GAB2: variants seen among roughly 807,000 people sequenced by gnomAD.
The protein encoded by GAB2 is GRB2 associated binding protein 2, also known as GRB2-associated-binding protein 2.
GAB2 carries 26 observed loss-of-function variants against 65.5 expected under a neutral mutation model. That is an observed-to-expected ratio of 0.40 (90% CI 0.29 to 0.55). The LOEUF (loss-of-function observed/expected upper bound fraction) is 0.55, where lower values mean the gene tolerates loss of function less well. GAB2 is among the 20% of genes least tolerant of loss of function. The probability of loss-of-function intolerance (pLI) is 0.53; values close to 1 mark genes in which losing one functional copy is unlikely to be tolerated. For synonymous variants in GAB2, 321 were observed against 329.6 expected, an observed-to-expected ratio of 0.97 and a Z score of 0.28; for missense variants, 884 against 875.8, an observed-to-expected ratio of 1.01 and a Z score of -0.12.
intron 5 of GAB2, among the ~76,000 whole-genome samples, chr11:78,224,178 T>G (rs1330732301): frequency 6.6e-6 from 1 of 152,226 alleles, no homozygotes; most frequent in Non-Finnish European, 1.5e-5. Context: ...TGGCATCCAC[T>G]AATAATTTTT....
At position 78,306,858 on chromosome 11, in the gene GAB2, T is replaced by C. The variant is rs559514605; in HGVS notation, c.76-25957A>G. Among the ~76,000 whole-genome samples the C allele has an allele frequency of 2.6e-5, 4 of 152,326 alleles. No homozygotes were observed. The South Asian group carries it at 8.3e-4, about 32-fold the overall frequency. ...TGCCTTAGTTTCCTTGTTCGTAAAA[T>C]AGATCACATTCCATCCATCTCACAT... is the stretch of plus-strand genomic sequence containing the variant. On this transcript the variant is annotated intron_variant, in intron 1 of 9. Coordinates refer to ENST00000361507, the MANE Select transcript of GAB2 (RefSeq NM_080491.3).
chr11:78,389,524 T>C (rs1287118875), intron 1 of GAB2, among the ~76,000 whole-genome samples: 1 of 152,158 alleles, frequency 6.6e-6, no homozygotes, highest in East Asian at 1.9e-4. Flanking sequence ...GTCAGACTGG[T>C]CTCGAACTCC....
chr11:78,370,903 G>C (rs1591070702), intron 1 of GAB2, among the ~76,000 whole-genome samples: 1 of 152,120 alleles, frequency 6.6e-6, no homozygotes, highest in South Asian at 2.1e-4. Flanking sequence ...ACAGTCACTG[G>C]GGAAGAACAC....
rs199847391 is a variant in GAB2, at chr11:78,320,981, AG to A, written c.76-40081del. Among the ~76,000 whole-genome samples, 1,023 of 152,298 alleles carry A rather than the reference AG, an allele frequency of 6.7e-3. 7 individuals are homozygous for A. The highest frequency in any genetic ancestry group is 0.023 in the African/African-American group (945 of 41,566). On this transcript the variant is annotated intron_variant, in intron 1 of 9. Transcript: ENST00000361507. ...GAGATATTTAACTGATCAATTTCTT[AG>A]TCACTGCTGGAATGTGGGGGTTGAA... is the stretch of plus-strand genomic sequence containing the variant.
intron 3 of GAB2, among the ~76,000 whole-genome samples, chr11:78,227,958 T>A (rs1298900996): frequency 6.6e-6 from 1 of 152,202 alleles, no homozygotes; most frequent in Non-Finnish European, 1.5e-5. Flanking sequence ...GTTTCCTGTT[T>A]GGGAACTATA....
At chr11:78,346,230 T>A (rs918007764) in intron 1 of GAB2, among the ~76,000 whole-genome samples, 9 of 152,176 alleles carry the variant, frequency 5.9e-5, no homozygotes, top group African/African-American at 2.2e-4. Flanking sequence ...GTGAAAGGAA[T>A]AAATCTGTTA....
chr11:78,225,899 T>C (rs1238506152), intron 4 of GAB2, among the ~76,000 whole-genome samples: 1 of 152,242 alleles, frequency 6.6e-6, no homozygotes, highest in African/African-American at 2.4e-5. Context: ...GAATTAATAT[T>C]GTTCTATTTT....
intron 1 of GAB2, among the ~76,000 whole-genome samples, chr11:78,283,159 C>A (rs1359026456): frequency 6.6e-6 from 1 of 152,208 alleles, no homozygotes; most frequent in African/African-American, 2.4e-5. Flanking sequence ...ACCTCCAATG[C>A]CTCCACTCTT....
At chr11:78,348,210 C>T (rs563188577) in intron 1 of GAB2, among the ~76,000 whole-genome samples, 5 of 152,250 alleles carry the variant, frequency 3.3e-5, no homozygotes, top group African/African-American at 1.2e-4. Context: ...GAGGCAAGCA[C>T]ACTCAGTGTC....
chr11:78,350,263 T>C (rs1012991245), intron 1 of GAB2, among the ~76,000 whole-genome samples: 6 of 152,038 alleles, frequency 3.9e-5, no homozygotes, highest in Admixed American at 6.6e-5. Flanking sequence ...CTCTAGCGGG[T>C]AGCTCAGGAG....
At chr11:78,287,492 G>C (rs903872599) in intron 1 of GAB2, among the ~76,000 whole-genome samples, 6 of 152,040 alleles carry the variant, frequency 3.9e-5, no homozygotes, top group Non-Finnish European at 8.8e-5. Flanking sequence ...TTCCCAGGCT[G>C]TTCTTAAACT....
chr11:78,289,346 T>C (rs1866584180), intron 1 of GAB2, among the ~76,000 whole-genome samples: 1 of 152,198 alleles, frequency 6.6e-6, no homozygotes, highest in Non-Finnish European at 1.5e-5. Context: ...TCACATCTTA[T>C]ACAAAAACTA....
chr11:78,305,145 GGAAA>G (rs1855329664), intron 1 of GAB2, among the ~76,000 whole-genome samples: 1 of 152,120 alleles, frequency 6.6e-6, no homozygotes, highest in Non-Finnish European at 1.5e-5. Flanking sequence ...TTATGAGTAG[GGAAA>G]GAAAGGGATT....
chr11:78,321,227 C>T (rs192009246), intron 1 of GAB2, among the ~76,000 whole-genome samples: 19 of 152,292 alleles, frequency 1.2e-4, no homozygotes, highest in Non-Finnish European at 1.8e-4. Context: ...TAGCACAGTA[C>T]TAAGAGCTGT....
At position 78,219,141 on chromosome 11, in the gene GAB2, A is replaced by G; in HGVS notation, c.*131T>C. On this transcript the variant is annotated 3_prime_UTR_variant, in exon 10 of 10. Coordinates refer to ENST00000361507, the MANE Select transcript of GAB2 (RefSeq NM_080491.3). ...GAAGGGTTCAGGGTCCCTGATGTCAAGTGCTTTGAAGGCTGAGACTGGCAG... is the reference window on the plus strand; with the variant it reads ...GAAGGGTTCAGGGTCCCTGATGTCAGGTGCTTTGAAGGCTGAGACTGGCAG... 1 of 848,920 alleles carries G rather than the reference A, an allele frequency of 1.2e-6. No individual in the cohort carries two copies. Among genetic ancestry groups the G allele is most frequent in the Non-Finnish European group, 1.8e-6 (1 of 546,260 alleles). The allele number at this position is 848,920 out of a possible 1,614,324, so 52.6% of individuals were successfully genotyped here. A position where few individuals can be genotyped will look rare whatever the true frequency, so the allele number is the denominator to read the frequency against.
rs974507059 is a variant in GAB2 at position 78,236,684 on chromosome 11, T to C, written c.621-9633A>G. 6.0e-4 allele frequency among the ~76,000 whole-genome samples: 91 copies of C among 152,350 alleles called. 1 individual carries two copies. Among genetic ancestry groups the C allele is most frequent in the African/African-American group, 2.0e-3 (82 of 41,572 alleles). ...AAATACTTTTTTTTCAATGAAGTACTGAGTTGTCAAATGCTTCCTCTGCAT... is the reference window on the plus strand; with the variant it reads ...AAATACTTTTTTTTCAATGAAGTACCGAGTTGTCAAATGCTTCCTCTGCAT... On this transcript the variant is annotated intron_variant, in intron 3 of 9. Coordinates refer to ENST00000361507, the MANE Select transcript of GAB2 (RefSeq NM_080491.3).
At chr11:78,349,670 G>GT (rs1022081344) in intron 1 of GAB2, among the ~76,000 whole-genome samples, 7 of 152,114 alleles carry the variant, frequency 4.6e-5, no homozygotes, top group East Asian at 1.9e-4. Context: ...AAGTCAGGGA[G>GT]TTTTTTTTCT....
At chr11:78,276,903 C>T (rs935628249) in intron 2 of GAB2, among the ~76,000 whole-genome samples, 12 of 152,144 alleles carry the variant, frequency 7.9e-5, no homozygotes, top group Admixed American at 2.0e-4. Flanking sequence ...CTACAAGCTC[C>T]GCCTCCCAGG....
chr11:78,378,631 A>G (rs566403441), intron 1 of GAB2, among the ~76,000 whole-genome samples: 1 of 152,152 alleles, frequency 6.6e-6, no homozygotes, highest in Non-Finnish European at 1.5e-5. Context: ...ATCAGAGTAC[A>G]GGATTCATAG....
Sources: allele counts gnomAD v4.1 joint callset (sites outside exome capture counted in the v4.1 genomes callset), GRCh38; gene constraint gnomAD v4.1.1; transcripts MANE v1.5; gene names NCBI Gene and HGNC (gene_info 2026-07-23, HGNC 2026-07-21).